Variants in MACROD2 observed in about 807,000 individuals in gnomAD.
The protein encoded by MACROD2 is mono-ADP ribosylhydrolase 2.
In MACROD2, 36 loss-of-function variants were observed where a neutral mutation model predicts 70.4. That is an observed-to-expected ratio of 0.51 (90% CI 0.39 to 0.68). The LOEUF is 0.68. Among genes scored for constraint, MACROD2 ranks in the 30% least tolerant of loss-of-function variants. The pLI is 0.00. For missense variants in MACROD2, 496 were observed against 538.4 expected, an observed-to-expected ratio of 0.92 and a Z score of 0.78; for synonymous variants, 172 against 178.8, an observed-to-expected ratio of 0.96 and a Z score of 0.30.
chr20:15,353,122 C>A (rs576670530), intron 6 of MACROD2, among the ~76,000 whole-genome samples: 1 of 151,482 alleles, frequency 6.6e-6, no homozygotes, highest in Admixed American at 6.6e-5. Flanking sequence ...GCTACAGTAA[C>A]CAAAACAGCA....
chr20:15,459,725 C>G (rs963810238), intron 7 of MACROD2, among the ~76,000 whole-genome samples: 1 of 152,042 alleles, frequency 6.6e-6, no homozygotes, highest in Non-Finnish European at 1.5e-5. Flanking sequence ...TCCCGGGAGC[C>G]TATGGGAACA....
rs6079255 is a variant in MACROD2, at chr20:14,009,223, G to A, written c.163+6819G>A. Among the ~76,000 whole-genome samples, 75 of 152,226 alleles carry A rather than the reference G, an allele frequency of 4.9e-4. 1 individual carries two copies. Among genetic ancestry groups the A allele is most frequent in the Non-Finnish European group, 9.6e-4 (65 of 68,002 alleles). On this transcript the variant is annotated intron_variant, in intron 2 of 17. Coordinates refer to ENST00000684519, the MANE Select transcript of MACROD2 (RefSeq NM_001351661.2). ...TTTTATAATCTATCCATCTGACAAA[G>A]GTCTTATATCCAGCATCTATAAGGA...
At chr20:14,100,556 A>G (rs1464296782) in intron 3 of MACROD2, among the ~76,000 whole-genome samples, 1 of 147,272 alleles carries the variant, frequency 6.8e-6, no homozygotes, top group Non-Finnish European at 1.5e-5. Flanking sequence ...AATAACCACT[A>G]TTAATACTTG....
chr20:15,636,098 A>AAAAAAAAAAAAAAAAAAAAAAAAAAG (rs1555851926), intron 8 of MACROD2, among the ~76,000 whole-genome samples: 3 of 138,508 alleles, frequency 2.2e-5, no homozygotes, highest in Non-Finnish European at 3.1e-5. Context: ...AAAAAGAAAG[A>AAAAAAAAAAAAAAAAAAAAAAAAAAG]AAAGAAAAGA....
At chr20:15,545,164 T>C (rs1474293679) in intron 8 of MACROD2, among the ~76,000 whole-genome samples, 1 of 152,252 alleles carries the variant, frequency 6.6e-6, no homozygotes, top group Non-Finnish European at 1.5e-5. Context: ...GAATATTATT[T>C]GTTCATCTTG....
At chr20:15,090,828 C>T (rs1055947627) in intron 5 of MACROD2, among the ~76,000 whole-genome samples, 8 of 151,920 alleles carry the variant, frequency 5.3e-5, no homozygotes, top group South Asian at 2.1e-4. Context: ...GTGAAGTGGA[C>T]GGAGATTCTA....
chr20:14,019,525 A>G (rs969631566), intron 2 of MACROD2, among the ~76,000 whole-genome samples: 4 of 152,144 alleles, frequency 2.6e-5, no homozygotes, highest in African/African-American at 9.7e-5. Flanking sequence ...CGCCCACCTC[A>G]GCCTCCCAAA....
intron 8 of MACROD2, among the ~76,000 whole-genome samples, chr20:15,807,755 T>C (rs1472276625): frequency 6.6e-6 from 1 of 152,196 alleles, no homozygotes; most frequent in Non-Finnish European, 1.5e-5. Context: ...TTTAATTACA[T>C]ATGTTGCCAA....
intron 5 of MACROD2, among the ~76,000 whole-genome samples, chr20:15,039,761 T>C (rs1055747497): frequency 3.1e-4 from 47 of 152,204 alleles, no homozygotes; most frequent in African/African-American, 9.4e-4. Flanking sequence ...GCAGATACTT[T>C]TAGAGACAGC....
In MACROD2 at chr20:14,483,523, C is replaced by G. The variant is rs573437716; in HGVS notation, c.272-9956C>G. On this transcript the variant is annotated intron_variant, in intron 3 of 17. Coordinates refer to ENST00000684519, the MANE Select transcript of MACROD2 (RefSeq NM_001351661.2). ...CCAGGTTCAAGCGATTCTCCTGCCTCAGCCTCCCTAGTAGCTGGGATTACA... is the reference window on the plus strand; with the variant it reads ...CCAGGTTCAAGCGATTCTCCTGCCTGAGCCTCCCTAGTAGCTGGGATTACA... Among the ~76,000 whole-genome samples, 3 of 152,246 alleles carry G rather than the reference C, an allele frequency of 2.0e-5. No individual in the cohort carries two copies. The South Asian group carries it at 6.2e-4, about 32-fold the overall frequency.
intron 10 of MACROD2, among the ~76,000 whole-genome samples, chr20:15,929,264 T>C (rs1161038214): frequency 6.6e-6 from 1 of 152,198 alleles, no homozygotes; most frequent in Non-Finnish European, 1.5e-5. Context: ...CTTCTTGTCA[T>C]GGCAAATGTC....
intron 3 of MACROD2, among the ~76,000 whole-genome samples, chr20:14,262,479 G>A (rs567232697): frequency 6.6e-6 from 1 of 151,960 alleles, no homozygotes; most frequent in African/African-American, 2.4e-5. Flanking sequence ...GATCTACCTG[G>A]AAGTGTCTTG....
At chr20:14,131,853 C>T (rs141170337) in intron 3 of MACROD2, among the ~76,000 whole-genome samples, 1,994 of 152,084 alleles carry the variant, frequency 0.013, 17 homozygotes, top group South Asian at 0.037. Flanking sequence ...GATTCTCGGC[C>T]GCGCGCGGTG....
At chr20:14,884,739 C>G (rs1312394129) in intron 5 of MACROD2, 1 of 152,130 alleles carries the variant, frequency 6.6e-6, no homozygotes, top group African/African-American at 2.4e-5. Context: ...ACCATCCTCC[C>G]TTTGGAATTG....
chr20:14,925,801 TATA>T (rs1378181085), intron 5 of MACROD2, among the ~76,000 whole-genome samples: 2 of 152,208 alleles, frequency 1.3e-5, no homozygotes, highest in Admixed American at 1.3e-4. Context: ...TACCTTAAAT[TATA>T]ATCTCTAAAC....
intron 5 of MACROD2, among the ~76,000 whole-genome samples, chr20:14,839,231 C>G (rs1486911142): frequency 1.3e-5 from 2 of 152,016 alleles, no homozygotes; most frequent in African/African-American, 4.8e-5. Context: ...TCCAGGGCAC[C>G]TGTTAGCTGA....
At chr20:15,713,772 T>C (rs1209935095) in intron 8 of MACROD2, among the ~76,000 whole-genome samples, 4 of 151,712 alleles carry the variant, frequency 2.6e-5, no homozygotes, top group Non-Finnish European at 5.9e-5. Flanking sequence ...TGGTCAGGGG[T>C]AGGTTGCAGG....
At chr20:15,986,344 T>C (rs1422858431) in intron 13 of MACROD2, among the ~76,000 whole-genome samples, 1 of 152,194 alleles carries the variant, frequency 6.6e-6, no homozygotes, top group Admixed American at 6.5e-5. Flanking sequence ...TTTCATTTTC[T>C]AGGAATCCTC....
chr20:15,917,107 T>C (rs190315231), intron 10 of MACROD2, among the ~76,000 whole-genome samples: 1 of 152,318 alleles, frequency 6.6e-6, no homozygotes, highest in African/African-American at 2.4e-5. Context: ...GAGAGGTGCT[T>C]GTCGTGTCCT....
Sources: allele counts gnomAD v4.1 joint callset (sites outside exome capture counted in the v4.1 genomes callset), GRCh38; gene constraint gnomAD v4.1.1; transcripts MANE v1.5; gene names NCBI Gene and HGNC (gene_info 2026-07-23, HGNC 2026-07-21).